PARM1: variants seen among roughly 807,000 people sequenced by gnomAD.
The protein encoded by PARM1 is WSC4, cell wall integrity and stress response component 4 homolog.
PARM1 carries 14 observed loss-of-function variants against 24.6 expected under a neutral mutation model. That is an observed-to-expected ratio of 0.57 (90% CI 0.38 to 0.89). The LOEUF is 0.89. Among genes scored for constraint, PARM1 ranks in the 40% least tolerant of loss-of-function variants. The pLI is 0.00. For missense variants in PARM1, 362 were observed against 380.4 expected (o/e 0.95, Z 0.40); for synonymous variants, 179 against 156.6 (o/e 1.14, Z -1.07).
rs144921999 is a variant in PARM1 at position 75,012,676 on chromosome 4, G to A, written c.295G>A (p.Gly99Ser). ...CACCAGCCCAGGTTCGAATTGGGAA[G>A]GCACAAACACAGACCCCTCACCTTC... ...EITSPGSNWEGTNTDPSPSGF... is the reference protein window; with the variant it reads ...EITSPGSNWESTNTDPSPSGF... Residue 99 changes from glycine to serine, a missense_variant, in exon 2 of 4, where the codon GGC (glycine) becomes AGC (serine). By Grantham distance (56) the Gly-to-Ser change is moderately conservative. Coordinates refer to ENST00000307428, the MANE Select transcript of PARM1 (RefSeq NM_015393.4). 5.3e-3 allele frequency: 8,534 copies of A among 1,613,980 alleles called. 31 individuals carry two copies. Among genetic ancestry groups the A allele is most frequent in the Non-Finnish European group, 6.6e-3 (7,768 of 1,179,886 alleles).
At chr4:74,983,044 T>G (rs1722288701) in intron 1 of PARM1, among the ~76,000 whole-genome samples, 1 of 152,186 alleles carries the variant, frequency 6.6e-6, no homozygotes, top group African/African-American at 2.4e-5. Context: ...GGACCAGATA[T>G]TGTCTTGTAT....
chr4:74,985,020 G>T (rs1722326161), intron 1 of PARM1, among the ~76,000 whole-genome samples: 1 of 152,158 alleles, frequency 6.6e-6, no homozygotes, highest in African/African-American at 2.4e-5. Context: ...GCTTTCCACA[G>T]CCCCATAGAT....
intron 1 of PARM1, among the ~76,000 whole-genome samples, chr4:74,979,587 G>A (rs1051245636): frequency 5.9e-5 from 9 of 152,166 alleles, no homozygotes; most frequent in Admixed American, 1.3e-4. Flanking sequence ...TTGAAAAGGA[G>A]GGACTTCTCC....
intron 1 of PARM1, chr4:74,967,184 GGT>G (rs1178441880): frequency 6.6e-6 from 1 of 152,146 alleles, no homozygotes; most frequent in Non-Finnish European, 1.5e-5. Flanking sequence ...AACATATTCA[GGT>G]AAGGAAGGCT....
chr4:75,043,118 A>T (rs1723532709), intron 3 of PARM1, among the ~76,000 whole-genome samples: 1 of 152,154 alleles, frequency 6.6e-6, no homozygotes, highest in Non-Finnish European at 1.5e-5. Context: ...CAATCCTCTA[A>T]CCCCCATTCC....
intron 1 of PARM1, among the ~76,000 whole-genome samples, chr4:74,978,639 C>G (rs1376347531): frequency 1.3e-5 from 2 of 152,082 alleles, no homozygotes; most frequent in African/African-American, 2.4e-5. Context: ...ACTTTCCACC[C>G]CAAAAATAAT....
chr4:75,003,369 G>T (rs1722716511), intron 1 of PARM1, among the ~76,000 whole-genome samples: 1 of 151,526 alleles, frequency 6.6e-6, no homozygotes, highest in Non-Finnish European at 1.5e-5. Context: ...AGGAAGTACA[G>T]CATTCTTCAC....
At chr4:75,000,895 G>A (rs1326126657) in intron 1 of PARM1, among the ~76,000 whole-genome samples, 2 of 152,180 alleles carry the variant, frequency 1.3e-5, no homozygotes, top group African/African-American at 4.8e-5. Context: ...AAGCTAATAA[G>A]TGGTTTGACC....
chr4:74,959,123 T>C (rs1721707881), intron 1 of PARM1, among the ~76,000 whole-genome samples: 1 of 152,200 alleles, frequency 6.6e-6, no homozygotes, highest in Admixed American at 6.5e-5. Flanking sequence ...GGAACTGAAA[T>C]TTTCATTTTA....
chr4:75,025,456 T>C (rs547160982), intron 2 of PARM1, among the ~76,000 whole-genome samples: 9 of 152,298 alleles, frequency 5.9e-5, no homozygotes, highest in Middle Eastern at 3.4e-3. Context: ...ACAGCTGAGA[T>C]TGAACAATCT....
At position 75,046,432 on chromosome 4, in the gene PARM1, A is replaced by C. The variant is rs1434701213; in HGVS notation, c.*185A>C. 3.9e-6 allele frequency: 2 copies of C among 508,208 alleles called. No homozygotes were observed. The highest frequency in any genetic ancestry group is 3.9e-5 in the African/African-American group (2 of 51,332). The allele number at this position is 508,208 out of a possible 1,614,324, so 31.5% of individuals were successfully genotyped here. A position where few individuals can be genotyped will look rare whatever the true frequency, so the allele number is the denominator to read the frequency against. ...ACTTCCCCTTTCTGGTACAAGAAGA[A>C]CCATTCTTTAAAGGTGAGTGGAGGC... On this transcript the variant is annotated 3_prime_UTR_variant, in exon 4 of 4. Transcript: ENST00000307428.
At chr4:74,952,933 A>T (rs756581178) in intron 1 of PARM1, among the ~76,000 whole-genome samples, 1 of 152,226 alleles carries the variant, frequency 6.6e-6, no homozygotes, top group African/African-American at 2.4e-5. Flanking sequence ...AAAGAAGGAG[A>T]CCAAATAACA....
chr4:75,025,637 A>G (rs1723169087), intron 2 of PARM1, among the ~76,000 whole-genome samples: 1 of 152,200 alleles, frequency 6.6e-6, no homozygotes, highest in African/African-American at 2.4e-5. Context: ...AGGTCCTTAA[A>G]ATACAGCTGA....
At chr4:74,974,080 A>ATCT (rs2109767221) in intron 1 of PARM1, among the ~76,000 whole-genome samples, 1 of 152,246 alleles carries the variant, frequency 6.6e-6, no homozygotes, top group East Asian at 1.9e-4. Flanking sequence ...AGGACCAGAG[A>ATCT]AGATGAGGTG....
At chr4:75,028,413 G>A (rs1467003717) in intron 2 of PARM1, among the ~76,000 whole-genome samples, 1 of 152,160 alleles carries the variant, frequency 6.6e-6, no homozygotes, top group East Asian at 1.9e-4. Context: ...TTTCCTCTTG[G>A]TGACCTTGAC....
intron 1 of PARM1, among the ~76,000 whole-genome samples, chr4:74,936,348 G>A (rs143247171): frequency 5.9e-5 from 9 of 152,260 alleles, no homozygotes; most frequent in Admixed American, 2.0e-4. Flanking sequence ...GAGAATGGCA[G>A]GCCCCTGGTA....
chr4:74,934,244 A>G (rs1174560830), intron 1 of PARM1, among the ~76,000 whole-genome samples: 2 of 152,016 alleles, frequency 1.3e-5, no homozygotes, highest in Non-Finnish European at 1.5e-5. Flanking sequence ...TTTTCCAGAA[A>G]ACGTCTCCCG....
chr4:74,944,712 A>G (rs1470487169), intron 1 of PARM1, among the ~76,000 whole-genome samples: 1 of 152,196 alleles, frequency 6.6e-6, no homozygotes, highest in African/African-American at 2.4e-5. Flanking sequence ...CGGTTCCATC[A>G]CTGAGAATAG....
At chr4:74,978,998 C>G (rs1722192498) in intron 1 of PARM1, among the ~76,000 whole-genome samples, 1 of 151,784 alleles carries the variant, frequency 6.6e-6, no homozygotes, top group Non-Finnish European at 1.5e-5. Flanking sequence ...ATGCTCATAT[C>G]AAAAATATAG....
Sources: allele counts gnomAD v4.1 joint callset (sites outside exome capture counted in the v4.1 genomes callset), GRCh38; gene constraint gnomAD v4.1.1; transcripts MANE v1.5; gene names NCBI Gene and HGNC (gene_info 2026-07-23, HGNC 2026-07-21).